Variants in NEK10 observed in about 807,000 individuals in gnomAD.
NEK10 encodes serine/threonine-protein kinase Nek10.
Under a neutral mutation model 159.8 loss-of-function variants are expected in NEK10, and 122 were observed. That is an observed-to-expected ratio of 0.76 (90% confidence interval 0.66 to 0.89). The LOEUF is 0.89. NEK10 is among the 40% of genes least tolerant of loss of function. The pLI is 0.00. For synonymous variants in NEK10, 466 were observed against 457.1 expected (o/e 1.02, Z -0.25); for missense variants, 1,342 against 1,323.1 (o/e 1.01, Z -0.22).
At chr3:27,173,967 C>T (rs922381197) in intron 28 of NEK10, among the ~76,000 whole-genome samples, 3 of 151,944 alleles carry the variant, frequency 2.0e-5, no homozygotes, top group Non-Finnish European at 1.5e-5. Context: ...ATTTATATGT[C>T]ATATTTTTAA....
At chr3:27,238,746 CGTGTGTGTGTGT>C (rs59740177) in intron 23 of NEK10, among the ~76,000 whole-genome samples, 320 of 138,132 alleles carry the variant, frequency 2.3e-3, no homozygotes, top group African/African-American at 7.3e-3. Context: ...CCTCCCCTTT[CGTGTGTGTGTGT>C]GTGTGTGTGT....
chr3:27,316,727 G>A (rs984967978), intron 6 of NEK10, among the ~76,000 whole-genome samples: 4 of 151,566 alleles, frequency 2.6e-5, no homozygotes, highest in Non-Finnish European at 5.9e-5. Flanking sequence ...ACCATGTCCT[G>A]GAAACAGTCA....
At chr3:27,297,292 T>G in intron 13 of NEK10, 52 bp from the exon 14 acceptor site, 1 of 1,202,960 alleles carries the variant, frequency 8.3e-7, no homozygotes, top group Non-Finnish European at 1.2e-6. Flanking sequence ...ATAAATATAC[T>G]ATCACATAAA....
At chr3:27,139,759 A>G (rs1943590464) in intron 31 of NEK10, among the ~76,000 whole-genome samples, 1 of 152,126 alleles carries the variant, frequency 6.6e-6, no homozygotes, top group African/African-American at 2.4e-5. Context: ...TAAAGGGGTG[A>G]TTTCAAAGGC....
chr3:27,183,657 T>C (rs924688022), intron 26 of NEK10, among the ~76,000 whole-genome samples: 3 of 152,000 alleles, frequency 2.0e-5, no homozygotes, highest in African/African-American at 4.8e-5. Flanking sequence ...CCATAGACTA[T>C]ACAAAATGTT....
intron 23 of NEK10, among the ~76,000 whole-genome samples, chr3:27,210,390 C>T (rs1382282481): frequency 6.6e-6 from 1 of 152,182 alleles, no homozygotes; most frequent in Non-Finnish European, 1.5e-5. Context: ...TCATGATGCA[C>T]TAGATCATAA....
rs1954800719 is a variant in NEK10, at chr3:27,243,833, GT to G, written c.2090+12462del. Among the ~76,000 whole-genome samples the G allele has an allele frequency of 8.9e-3, 233 of 26,242 alleles. No homozygotes were observed. In the African/African-American group the frequency reaches 0.16, roughly 18 times the overall value. 17.2% of individuals were successfully genotyped at this position (26,242 alleles called of 152,430 possible). On this transcript the variant is annotated intron_variant, in intron 23 of 35. Transcript: ENST00000691995. ...TCTACACTTGACTGACACCATGGGT[GT>G]GTGTGTGTGTGTGTGTGTGTGTGTG...
At chr3:27,156,653 T>C (rs1456971740) in intron 30 of NEK10, among the ~76,000 whole-genome samples, 2 of 151,612 alleles carry the variant, frequency 1.3e-5, no homozygotes, top group Admixed American at 6.6e-5. Flanking sequence ...CAGAAAACAG[T>C]AGATATTGGC....
chr3:27,193,962 A>G (rs1949344928), intron 25 of NEK10: 1 of 152,126 alleles, frequency 6.6e-6, no homozygotes, highest in Non-Finnish European at 1.5e-5. Context: ...TCAATGAATA[A>G]ATCCACAAAC....
At chr3:27,162,145 TG>T in intron 30 of NEK10, 3 of 292,052 alleles carry the variant, frequency 1.0e-5, no homozygotes, top group South Asian at 6.8e-5. Flanking sequence ...GAAATACCTA[TG>T]TAAAACATGG....
chr3:27,271,343 T>A (rs2149397357), intron 22 of NEK10, among the ~76,000 whole-genome samples: 1 of 151,542 alleles, frequency 6.6e-6, no homozygotes, highest in African/African-American at 2.4e-5. Context: ...TGGAGAAAAT[T>A]AGTTAAAATT....
chr3:27,291,607 A>G, intron 16 of NEK10, 21 bp from the exon 17 acceptor site: 2 of 1,311,046 alleles, frequency 1.5e-6, no homozygotes, highest in Non-Finnish European at 2.2e-6. Context: ...TATTACACAC[A>G]CTTAAAGTAG....
At chr3:27,327,097 G>A (rs776456842) in intron 5 of NEK10, among the ~76,000 whole-genome samples, 7 of 152,132 alleles carry the variant, frequency 4.6e-5, no homozygotes, top group African/African-American at 1.7e-4. Flanking sequence ...GAGGAGCTGA[G>A]TGTCTGGCCC....
chr3:27,111,440 G>T (rs1418790748), intron 35 of NEK10, 120 bp from the exon 36 acceptor site: 3 of 745,338 alleles, frequency 4.0e-6, no homozygotes, highest in Non-Finnish European at 4.1e-6. Context: ...ATAAAAAGAC[G>T]ATTATTTTTG....
At chr3:27,238,802 C>T (rs143655889) in intron 23 of NEK10, among the ~76,000 whole-genome samples, 10 of 142,630 alleles carry the variant, frequency 7.0e-5, no homozygotes, top group East Asian at 2.3e-4. Context: ...TGTGAAGCAA[C>T]GAAAGCACAG....
chr3:27,195,257 T>C (rs1370489559), intron 25 of NEK10, among the ~76,000 whole-genome samples: 1 of 152,258 alleles, frequency 6.6e-6, no homozygotes, highest in Admixed American at 6.5e-5. Flanking sequence ...GATCTTTTGC[T>C]GAGTCATAAA....
intron 23 of NEK10, among the ~76,000 whole-genome samples, chr3:27,213,704 G>A (rs934882123): frequency 2.0e-5 from 3 of 152,044 alleles, no homozygotes; most frequent in Admixed American, 2.0e-4. Flanking sequence ...TTACAACAGA[G>A]GTCTTAGGAC....
intron 9 of NEK10, 37 bp downstream of exon 9, chr3:27,310,912 G>A (rs371607034): frequency 8.1e-4 from 1,044 of 1,294,450 alleles, no homozygotes; most frequent in Non-Finnish European, 1.0e-3. Flanking sequence ...TATTGCCATA[G>A]GGAGCTGAAG....
intron 23 of NEK10, among the ~76,000 whole-genome samples, chr3:27,229,296 G>A (rs992090527): frequency 6.6e-6 from 1 of 152,030 alleles, no homozygotes; most frequent in East Asian, 1.9e-4. Context: ...AATCAAATTA[G>A]GCTATAATAA....
Sources: gnomAD v4.1 joint callset for allele counts (sites outside exome capture counted in the v4.1 genomes callset) on GRCh38, gnomAD v4.1.1 for gene constraint, MANE v1.5 for transcripts, NCBI Gene and HGNC (gene_info 2026-07-23, HGNC 2026-07-21) for gene names.